DTHD1: variants seen among roughly 807,000 people sequenced by gnomAD.
DTHD1 encodes the protein death domain-containing protein 1.
Under a neutral mutation model 74.8 loss-of-function variants are expected in DTHD1, and 59 were observed. The ratio of observed to expected loss-of-function variants is 0.79; its 90% confidence interval spans 0.64 to 0.98. The LOEUF is 0.98. Ranked by LOEUF, DTHD1 falls within the 50% of genes least tolerant of loss-of-function variation. DTHD1 has a pLI of 0.00. For missense variants in DTHD1, 1,051 were observed against 1,065.4 expected, an observed-to-expected ratio of 0.99 and a Z score of 0.19; for synonymous variants, 365 against 371.1, an observed-to-expected ratio of 0.98 and a Z score of 0.19.
chr4:36,343,073 G>C (rs988817200), intron 9 of DTHD1, among the ~76,000 whole-genome samples: 3 of 137,616 alleles, frequency 2.2e-5, no homozygotes, highest in Admixed American at 2.1e-4. Flanking sequence ...CCTGGAGACA[G>C]AGCGAGACTC....
At chr4:36,295,920 A>G (rs1413271065) in intron 5 of DTHD1, among the ~76,000 whole-genome samples, 1 of 152,102 alleles carries the variant, frequency 6.6e-6, no homozygotes, top group Non-Finnish European at 1.5e-5. Flanking sequence ...AAAAAAAGAA[A>G]CAATCAAAGG....
chr4:36,284,124 A>T lies in DTHD1; in HGVS notation c.420A>T (p.Gln140His). ...CTPQQTMSSI[Q>H]DTKAADIAAR... ...CACAGCAGACAATGTCCTCCATTCA[A>T]GATACCAAAGCAGCAGACATTGCTG... Residue 140 changes from glutamine (Q) to histidine (H), a missense_variant, in exon 2 of 10, where the codon CAA becomes CAT. Transcript: ENST00000639862. The T allele has an allele frequency of 6.5e-7, 1 of 1,537,270 alleles. No individual in the cohort carries two copies. Among genetic ancestry groups the T allele is most frequent in the Admixed American group, 2.0e-5 (1 of 51,008 alleles).
intron 7 of DTHD1, among the ~76,000 whole-genome samples, chr4:36,313,715 AC>A (rs770126186): frequency 6.6e-6 from 1 of 152,210 alleles, no homozygotes; most frequent in Non-Finnish European, 1.5e-5. Context: ...TCTCAATTGA[AC>A]CAGTGTGGCT....
intron 2 of DTHD1, among the ~76,000 whole-genome samples, chr4:36,287,724 C>T (rs1333755961): frequency 6.6e-6 from 1 of 152,086 alleles, no homozygotes; most frequent in Non-Finnish European, 1.5e-5. Flanking sequence ...TTTGCATTTC[C>T]CTGATCATTA....
chr4:36,338,811 G>T (rs943380347), intron 8 of DTHD1, among the ~76,000 whole-genome samples: 10 of 152,000 alleles, frequency 6.6e-5, no homozygotes. Flanking sequence ...ACGCTAGTTG[G>T]TTTAACAGTT....
chr4:36,314,563 T>C (rs911305631), intron 7 of DTHD1, among the ~76,000 whole-genome samples: 10 of 150,550 alleles, frequency 6.6e-5, no homozygotes, highest in African/African-American at 2.4e-4. Flanking sequence ...ACATTTATAG[T>C]CCCAGCTGCT....
chr4:36,294,429 C>A (rs1441783402), intron 4 of DTHD1, among the ~76,000 whole-genome samples: 1 of 151,856 alleles, frequency 6.6e-6, no homozygotes, highest in Non-Finnish European at 1.5e-5. Context: ...TGAAAAGAAA[C>A]AAGTCATGTT....
intron 8 of DTHD1, among the ~76,000 whole-genome samples, chr4:36,334,358 G>GTTTTTTTTTT (rs34455692): frequency 7.2e-6 from 1 of 138,906 alleles, no homozygotes. Flanking sequence ...ATTTTTTTTG[G>GTTTTTTTTTT]TTTTTTTTTT....
Position 36,284,036 on chromosome 4 carries a change from C to T in DTHD1, c.332C>T (p.Ala111Val). 5.9e-6 allele frequency: 9 copies of T among 1,537,138 alleles called. No homozygotes were observed. The highest frequency in any genetic ancestry group is 7.8e-6 in the Non-Finnish European group (9 of 1,146,848). ...KITEHLGSTA[A>V]LLKKEEKEIC... ...ACTGAACATTTGGGGAGCACTGCTG[C>T]ACTTCTAAAGAAAGAAGAAAAGGAG... The change falls in exon 2 of 10, where the codon GCA becomes GTA. Residue 111 changes from alanine to valine, a missense_variant. By Grantham distance (64) the Ala-to-Val change is moderately conservative. Coordinates refer to ENST00000639862, the MANE Select transcript of DTHD1 (RefSeq NM_001170700.3).
chr4:36,284,384 T>C lies in DTHD1; in HGVS notation c.680T>C (p.Met227Thr). Reference protein sequence around the residue: ...ENEDDKQIEHMTVENINGNRE... With the variant: ...ENEDDKQIEHTTVENINGNRE... Reference sequence around the variant, plus strand: ...GAAGATGATAAACAAATAGAACACATGACTGTTGAGAACATAAATGGCAAC... The same window carrying C: ...GAAGATGATAAACAAATAGAACACACGACTGTTGAGAACATAAATGGCAAC... The change falls in exon 2 of 10, where the codon ATG becomes ACG. Residue 227 changes from methionine (M) to threonine (T), a missense_variant. Transcript: ENST00000639862. 6.5e-7 allele frequency: 1 copy of C among 1,537,086 alleles called. No individual in the cohort carries two copies. The highest frequency in any genetic ancestry group is 8.7e-7 in the Non-Finnish European group (1 of 1,146,840).
At position 36,281,691 on chromosome 4, in the gene DTHD1, A is replaced by C. The variant is rs7695130; in HGVS notation, c.-68A>C. 395,744 of 1,233,632 alleles carry C rather than the reference A, an allele frequency of 0.32. 71,712 individuals carry two copies. Among genetic ancestry groups the C allele is most frequent in the African/African-American group, 0.77 (49,802 of 64,514 alleles). 76.4% of individuals were successfully genotyped at this position (1,233,632 alleles called of 1,614,324 possible). On this transcript the variant is annotated 5_prime_UTR_variant, in exon 1 of 10. Transcript: ENST00000639862. The stretch of plus-strand genomic sequence containing the variant: ...AGAGTTTAGGAGAAATAACAATCAC[A>C]AAGTTTGAATTTGCAAAACCTTTAG...
intron 9 of DTHD1, among the ~76,000 whole-genome samples, chr4:36,340,359 G>T (rs1194132987): frequency 1.3e-5 from 2 of 152,198 alleles, no homozygotes; most frequent in African/African-American, 4.8e-5. Context: ...CTAGAACCCT[G>T]GTTCCTGCAA....
intron 8 of DTHD1, among the ~76,000 whole-genome samples, chr4:36,317,144 A>G (rs778087020): frequency 1.1e-4 from 16 of 152,104 alleles, no homozygotes; most frequent in Non-Finnish European, 2.1e-4. Context: ...AGCTAAAATC[A>G]TTTTCCCACA....
At chr4:36,299,931 C>T (rs1487320119) in intron 5 of DTHD1, among the ~76,000 whole-genome samples, 1 of 152,090 alleles carries the variant, frequency 6.6e-6, no homozygotes, top group Non-Finnish European at 1.5e-5. Flanking sequence ...GATCATGCCA[C>T]TACACTCCAG....
chr4:36,319,905 C>T (rs998705244), intron 8 of DTHD1, among the ~76,000 whole-genome samples: 5 of 152,198 alleles, frequency 3.3e-5, no homozygotes, highest in Admixed American at 6.5e-5. Flanking sequence ...GTAATTCTTA[C>T]TGAACCTCTT....
At chr4:36,306,114 A>C in intron 5 of DTHD1, 77 bp from the exon 6 acceptor site, 2 of 1,281,324 alleles carry the variant, frequency 1.6e-6, no homozygotes, top group Admixed American at 4.7e-5. Flanking sequence ...GATCATTCAC[A>C]ATGAAAGAAT....
intron 3 of DTHD1, among the ~76,000 whole-genome samples, chr4:36,291,270 C>G (rs1404553999): frequency 6.6e-6 from 1 of 152,150 alleles, no homozygotes; most frequent in East Asian, 1.9e-4. Context: ...TTTACACTTT[C>G]TTGCTGTGTG....
At chr4:36,330,682 A>G (rs1758610279) in intron 8 of DTHD1, among the ~76,000 whole-genome samples, 1 of 152,134 alleles carries the variant, frequency 6.6e-6, no homozygotes, top group Non-Finnish European at 1.5e-5. Context: ...ATTACCTTGG[A>G]GAAGTTATAT....
At chr4:36,285,949 C>T (rs1755688182) in intron 2 of DTHD1, among the ~76,000 whole-genome samples, 1 of 152,144 alleles carries the variant, frequency 6.6e-6, no homozygotes, top group Non-Finnish European at 1.5e-5. Context: ...TTCCATTACC[C>T]CCATCTCTGC....
Sources: allele counts gnomAD v4.1 joint callset (sites outside exome capture counted in the v4.1 genomes callset), GRCh38; gene constraint gnomAD v4.1.1; transcripts MANE v1.5; gene names NCBI Gene and HGNC (gene_info 2026-07-23, HGNC 2026-07-21).